The following ACTL8 variants were observed in gnomAD, a reference collection of about 807,000 sequenced individuals.
ACTL8 encodes actin like 8, also known as actin-like protein 8.
In ACTL8, 3 loss-of-function variants were observed where a neutral mutation model predicts 9.3. The observed-to-expected ratio is 0.32, with a 90% CI of 0.15 to 0.83. The LOEUF (loss-of-function observed/expected upper bound fraction) is 0.83. Among genes scored for constraint, ACTL8 ranks in the 40% least tolerant of loss-of-function variants. The pLI, the probability that ACTL8 is intolerant of heterozygous loss-of-function variation, is 0.57. For missense variants in ACTL8, 381 were observed against 492.2 expected, an observed-to-expected ratio of 0.77 and a Z score of 2.14; for synonymous variants, 224 against 205.9, an observed-to-expected ratio of 1.09 and a Z score of -0.75.
rs141222330 is a variant in ACTL8, at chr1:17,818,938, T to C, written c.-24-4047T>C. ...AATGGGGATTTGTAGAATTGGTGGC[T>C]TAGTAAAAATGCTTCTGAATATACA... On this transcript the variant is annotated intron_variant, in intron 1 of 2. Transcript: ENST00000375406. 2.0e-5 allele frequency among the ~76,000 whole-genome samples: 3 copies of C among 152,346 alleles called. No homozygotes were observed. The East Asian group carries it at 5.8e-4, about 29-fold the overall frequency.
At chr1:17,765,302 G>T (rs1407788149) in intron 1 of ACTL8, among the ~76,000 whole-genome samples, 1 of 152,148 alleles carries the variant, frequency 6.6e-6, no homozygotes, top group Non-Finnish European at 1.5e-5. Flanking sequence ...ATTTTTATCT[G>T]CCTTAGTTCA....
chr1:17,801,895 T>C (rs2066325201), intron 1 of ACTL8, among the ~76,000 whole-genome samples: 1 of 152,234 alleles, frequency 6.6e-6, no homozygotes, highest in Admixed American at 6.5e-5. Flanking sequence ...ATCATTGGTC[T>C]CATGCTTTTA....
intron 1 of ACTL8, among the ~76,000 whole-genome samples, chr1:17,791,685 G>C (rs919462168): frequency 6.6e-6 from 1 of 152,228 alleles, no homozygotes; most frequent in African/African-American, 2.4e-5. Flanking sequence ...ACCGGGCCAT[G>C]GGCACCAGGC....
At chr1:17,779,484 A>G (rs2066139434) in intron 1 of ACTL8, among the ~76,000 whole-genome samples, 1 of 152,188 alleles carries the variant, frequency 6.6e-6, no homozygotes, top group Non-Finnish European at 1.5e-5. Flanking sequence ...GCAAAAGGAG[A>G]CAGTACTTGT....
At chr1:17,792,484 C>T (rs1274293649) in intron 1 of ACTL8, among the ~76,000 whole-genome samples, 1 of 152,232 alleles carries the variant, frequency 6.6e-6, no homozygotes, top group Non-Finnish European at 1.5e-5. Context: ...GATAATCAAA[C>T]ATCACCATGC....
chr1:17,760,324 C>A (rs1355441192), intron 1 of ACTL8, among the ~76,000 whole-genome samples: 2 of 152,110 alleles, frequency 1.3e-5, no homozygotes, highest in Admixed American at 1.3e-4. Context: ...GTCTTCAATT[C>A]CCCAGATGAG....
chr1:17,779,698 C>T (rs1391282851), intron 1 of ACTL8, among the ~76,000 whole-genome samples: 3 of 152,292 alleles, frequency 2.0e-5, no homozygotes, highest in Admixed American at 6.5e-5. Context: ...ATGGGGCCTC[C>T]GTGTTTACCG....
chr1:17,782,619 G>A (rs1038462057), intron 1 of ACTL8, among the ~76,000 whole-genome samples: 4 of 152,116 alleles, frequency 2.6e-5, no homozygotes, highest in African/African-American at 7.2e-5. Context: ...CTCATGAAAC[G>A]TCTTTACCAG....
At chr1:17,819,472 A>G (rs1438990779) in intron 1 of ACTL8, among the ~76,000 whole-genome samples, 1 of 152,232 alleles carries the variant, frequency 6.6e-6, no homozygotes, top group African/African-American at 2.4e-5. Flanking sequence ...GGCCAGGGCC[A>G]GGCCATGGCT....
intron 1 of ACTL8, among the ~76,000 whole-genome samples, chr1:17,820,061 C>T (rs1051648099): frequency 2.0e-5 from 3 of 152,054 alleles, no homozygotes; most frequent in African/African-American, 2.4e-5. Flanking sequence ...AATATAGTTG[C>T]GGGAATTTAA....
intron 1 of ACTL8, among the ~76,000 whole-genome samples, chr1:17,781,050 G>GC (rs1324321637): frequency 6.6e-6 from 1 of 152,080 alleles, no homozygotes; most frequent in Non-Finnish European, 1.5e-5. Flanking sequence ...CAAGGTATCA[G>GC]CAGATCCCCA....
intron 1 of ACTL8, among the ~76,000 whole-genome samples, chr1:17,802,908 C>T (rs2066332023): frequency 6.6e-6 from 1 of 152,112 alleles, no homozygotes; most frequent in African/African-American, 2.4e-5. Flanking sequence ...TTGCTTGAAC[C>T]CGGAAGGCAG....
chr1:17,804,772 A>T (rs1157199885), intron 1 of ACTL8, among the ~76,000 whole-genome samples: 1 of 151,716 alleles, frequency 6.6e-6, no homozygotes, highest in Non-Finnish European at 1.5e-5. Flanking sequence ...CACACCACCA[A>T]GCCCAGCTAA....
chr1:17,773,079 C>T (rs527812319), intron 1 of ACTL8, among the ~76,000 whole-genome samples: 7 of 152,292 alleles, frequency 4.6e-5, no homozygotes, highest in Admixed American at 3.3e-4. Context: ...ACACTGTCGA[C>T]GTAATCCTCC....
At chr1:17,784,566 T>C (rs1224078045) in intron 1 of ACTL8, among the ~76,000 whole-genome samples, 1 of 152,220 alleles carries the variant, frequency 6.6e-6, no homozygotes, top group African/African-American at 2.4e-5. Flanking sequence ...AATTGAACTT[T>C]TGTTATTTTT....
intron 1 of ACTL8, among the ~76,000 whole-genome samples, chr1:17,789,596 T>C (rs931140723): frequency 1.3e-5 from 2 of 152,134 alleles, no homozygotes; most frequent in Admixed American, 6.5e-5. Context: ...TTGGGGAGCG[T>C]AATGAGTGGA....
At chr1:17,805,377 C>CTTTTTTTTTTTT (rs56870755) in intron 1 of ACTL8, among the ~76,000 whole-genome samples, 746 of 100,144 alleles carry the variant, frequency 7.4e-3, no homozygotes, top group Non-Finnish European at 0.011. Flanking sequence ...TTTTCTTTTT[C>CTTTTTTTTTTTT]TTTTTTTTTT....
intron 1 of ACTL8, among the ~76,000 whole-genome samples, chr1:17,776,488 G>A (rs375608244): frequency 8.7e-4 from 132 of 152,224 alleles, no homozygotes; most frequent in Middle Eastern, 3.4e-3. Flanking sequence ...AGGCTCACTC[G>A]CTTCGGCTCC....
At chr1:17,763,912 A>T (rs756806682) in intron 1 of ACTL8, among the ~76,000 whole-genome samples, 2 of 152,190 alleles carry the variant, frequency 1.3e-5, no homozygotes, top group African/African-American at 2.4e-5. Context: ...CTGATGACTC[A>T]GCAGGTCTGA....
Sources: allele counts gnomAD v4.1 joint callset (sites outside exome capture counted in the v4.1 genomes callset), GRCh38; gene constraint gnomAD v4.1.1; transcripts MANE v1.5; gene names NCBI Gene and HGNC (gene_info 2026-07-23, HGNC 2026-07-21).